Variants in SOCS7 observed in about 807,000 individuals in gnomAD.
SOCS7 encodes the protein suppressor of cytokine signaling 7, also known as NAP-4.
A neutral mutation model predicts 58.9 loss-of-function variants in SOCS7; 18 were observed. The ratio of observed to expected loss-of-function variants is 0.31; its 90% CI spans 0.21 to 0.45. SOCS7 has a LOEUF of 0.45. Among genes scored for constraint, SOCS7 ranks in the 20% least tolerant of loss-of-function variants. SOCS7 has a pLI of 1.00. For missense variants in SOCS7, 667 were observed against 837.3 expected (o/e 0.80, Z 2.51); for synonymous variants, 388 against 364.3 (o/e 1.06, Z -0.74).
At chr17:38,383,707 G>A (rs937252534) in intron 7 of SOCS7, among the ~76,000 whole-genome samples, 3 of 152,052 alleles carry the variant, frequency 2.0e-5, no homozygotes, top group Non-Finnish European at 4.4e-5. Context: ...ATCACGCCCG[G>A]CTAAATTTTT....
chr17:38,360,123 A>G (rs2037696397), intron 1 of SOCS7, among the ~76,000 whole-genome samples: 1 of 151,926 alleles, frequency 6.6e-6, no homozygotes, highest in African/African-American at 2.4e-5. Context: ...TTAAGTGTCC[A>G]GCTCTATTAA....
intron 7 of SOCS7, among the ~76,000 whole-genome samples, chr17:38,387,133 G>GTATGTATGTATATATATATATATA (rs1555570701): frequency 1.4e-5 from 1 of 73,494 alleles, no homozygotes; most frequent in African/African-American, 7.0e-5. Flanking sequence ...ATATATGTAT[G>GTATGTATGTATATATATATATATA]TATATATATA....
In SOCS7 at chr17:38,355,224, G is replaced by T. The variant is rs2037619618; in HGVS notation, c.980+2192G>T. 1.3e-4 allele frequency among the ~76,000 whole-genome samples: 20 copies of T among 152,186 alleles called. 1 individual carries two copies. The highest frequency in any genetic ancestry group is 1.3e-3 in the Admixed American group (20 of 15,270). ...AGATGACCAAATTTGTCACCTTCAT[G>T]CTTCCCTTTTTCCCCCATCTGTAAA... On this transcript the variant is annotated intron_variant, in intron 1 of 9. Transcript: ENST00000612932.
At chr17:38,387,100 A>T (rs1168127117) in intron 7 of SOCS7, among the ~76,000 whole-genome samples, 1,508 of 81,580 alleles carry the variant, frequency 0.018, 17 homozygotes, top group East Asian at 0.034. Context: ...AAAAAAAAAA[A>T]AAATATATAT....
Position 38,405,377 on chromosome 17 carries a change from T to C in SOCS7, c.*5895T>C, listed in dbSNP as rs2038378354. 1 of 152,108 alleles carries C rather than the reference T, an allele frequency of 6.6e-6. No individual in the cohort carries two copies. The highest frequency in any genetic ancestry group is 2.1e-4 in the South Asian group (1 of 4,824). The allele number at this position is 152,108 out of a possible 1,614,324, so 9.4% of individuals were successfully genotyped here. A position where few individuals can be genotyped will look rare whatever the true frequency, so the allele number is the denominator to read the frequency against. On this transcript the variant is annotated 3_prime_UTR_variant, in exon 10 of 10. Transcript: ENST00000612932. ...TCCAGAATGGGGTGTCTGTATATAC[T>C]GTATTAATAGGCATGTTTGACTCTC...
chr17:38,377,494 CA>C lies in SOCS7; in HGVS notation c.1553-215del, dbSNP rs529791330. On this transcript the variant is annotated intron_variant, in intron 6 of 9. Coordinates refer to ENST00000612932, the MANE Select transcript of SOCS7 (RefSeq NM_014598.4). The stretch of plus-strand genomic sequence containing the variant: ...GAGTACTTAGCTTGTATTTACTTAA[CA>C]AAAACCTTGTAAGACCTAATTTATG... Among the ~76,000 whole-genome samples, 5 of 152,288 alleles carry C rather than the reference CA, an allele frequency of 3.3e-5. No homozygotes were observed. The East Asian group carries it at 9.6e-4, about 29-fold the overall frequency.
chr17:38,389,647 T>C (rs2038124095), intron 7 of SOCS7, among the ~76,000 whole-genome samples: 1 of 150,922 alleles, frequency 6.6e-6, no homozygotes, highest in Non-Finnish European at 1.5e-5. Flanking sequence ...TTCTTGATGG[T>C]ATTCTTTGAA....
chr17:38,365,378 C>T lies in SOCS7; in HGVS notation c.1221C>T (p.Pro407=), dbSNP rs2037775922. 6.2e-7 allele frequency: 1 copy of T among 1,612,334 alleles called. No homozygotes were observed. Among genetic ancestry groups the T allele is most frequent in the African/African-American group, 1.3e-5 (1 of 74,860 alleles). Residue 407 remains proline (P), a synonymous_variant, in exon 4 of 10, where the codon CCC becomes CCT. Transcript: ENST00000612932. ...APMGSSLQSF[P]LPPPPPPHAP... ...TGGGGTCTTCCTTGCAGTCTTTCCC[C>T]CTACCTCCGCCTCCTCCACCCCATG...
rs149754952 is a variant in SOCS7 at position 38,392,361 on chromosome 17, C to A, written c.1682-2948C>A. 2.0e-5 allele frequency among the ~76,000 whole-genome samples: 3 copies of A among 152,296 alleles called. No homozygotes were observed. In the East Asian group the frequency reaches 5.8e-4, roughly 29 times the overall value. ...CTGATCTCTTTAAGCACAGTGTTAT[C>A]TTTGGGAATAAATTATTAGATGTAT... On this transcript the variant is annotated intron_variant, in intron 7 of 9. Transcript: ENST00000612932.
chr17:38,358,890 T>C (rs1013518726), intron 1 of SOCS7, among the ~76,000 whole-genome samples: 3 of 152,132 alleles, frequency 2.0e-5, no homozygotes, highest in African/African-American at 7.2e-5. Flanking sequence ...ATGATTTTTC[T>C]TCTTCAAAAT....
chr17:38,400,520 C>CT lies in SOCS7; in HGVS notation c.*1039dup, dbSNP rs2038305064. On this transcript the variant is annotated 3_prime_UTR_variant, in exon 10 of 10. Coordinates refer to ENST00000612932, the MANE Select transcript of SOCS7 (RefSeq NM_014598.4). The stretch of plus-strand genomic sequence containing the variant: ...ATGTGGAGGAAGGTGAGAAATACAG[C>CT]TCCCACAGTTGTGCTCTTCCTAGAG... 1 of 152,214 alleles carries CT rather than the reference C, an allele frequency of 6.6e-6. No homozygotes were observed. Among genetic ancestry groups the CT allele is most frequent in the Admixed American group, 6.6e-5 (1 of 15,266 alleles). 9.4% of individuals were successfully genotyped at this position (152,214 alleles called of 1,614,324 possible).
At chr17:38,371,758 T>G (rs1041474326) in intron 6 of SOCS7, among the ~76,000 whole-genome samples, 1 of 148,756 alleles carries the variant, frequency 6.7e-6, no homozygotes, top group Non-Finnish European at 1.5e-5. Context: ...TTTTGTGTTT[T>G]TTTTTTTTTT....
At chr17:38,394,983 A>C (rs1326374973) in intron 7 of SOCS7, among the ~76,000 whole-genome samples, 1 of 152,138 alleles carries the variant, frequency 6.6e-6, no homozygotes, top group Non-Finnish European at 1.5e-5. Context: ...CTGGGAGGTC[A>C]AGGCTGCAGT....
At chr17:38,362,285 A>G (rs2037730353) in intron 2 of SOCS7, among the ~76,000 whole-genome samples, 1 of 152,168 alleles carries the variant, frequency 6.6e-6, no homozygotes, top group Admixed American at 6.5e-5. Flanking sequence ...TCTTTATTGT[A>G]TCTAATTTAA....
At chr17:38,364,657 C>A in intron 2 of SOCS7, 95 bp from the exon 3 acceptor site, 2 of 975,794 alleles carry the variant, frequency 2.0e-6, no homozygotes, top group South Asian at 2.7e-5. Flanking sequence ...CAGCAGACCC[C>A]CAGCCTCGCC....
chr17:38,355,046 A>G (rs920475769), intron 1 of SOCS7, among the ~76,000 whole-genome samples: 2 of 152,128 alleles, frequency 1.3e-5, no homozygotes, highest in Non-Finnish European at 2.9e-5. Flanking sequence ...GGCACTGGAG[A>G]ATTACATTTT....
Position 38,403,084 on chromosome 17 carries a change from G to GT in SOCS7, c.*3603dup, listed in dbSNP as rs2038343673. Reference sequence around the variant, plus strand: ...CTGACCTTTGCCTGGTCACCTGCCTGTGCCTAGGCCAAGTGAATGTTACAT... The same window carrying GT: ...CTGACCTTTGCCTGGTCACCTGCCTGTTGCCTAGGCCAAGTGAATGTTACAT... On this transcript the variant is annotated 3_prime_UTR_variant, in exon 10 of 10. Coordinates refer to ENST00000612932, the MANE Select transcript of SOCS7 (RefSeq NM_014598.4). 4 of 152,154 alleles carry GT rather than the reference G, an allele frequency of 2.6e-5. No homozygotes were observed. Among genetic ancestry groups the GT allele is most frequent in the Admixed American group, 1.3e-4 (2 of 15,268 alleles). The allele number at this position is 152,154 out of a possible 1,614,324, so 9.4% of individuals were successfully genotyped here. A position where few individuals can be genotyped will look rare whatever the true frequency, so the allele number is the denominator to read the frequency against.
chr17:38,383,636 C>T (rs2144372693), intron 7 of SOCS7, among the ~76,000 whole-genome samples: 1 of 152,244 alleles, frequency 6.6e-6, no homozygotes. Flanking sequence ...CGGCTCATCG[C>T]AACCTCTGCC....
In SOCS7 at chr17:38,396,441, C is replaced by T. The variant is rs2038246439; in HGVS notation, c.*30+443C>T. ...CTTCATCAAAGAGAATGCAAACATG[C>T]CTTTAATTGCAACAGGCATGCACTT... On this transcript the variant is annotated intron_variant, in intron 9 of 9. Transcript: ENST00000612932. Among the ~76,000 whole-genome samples, 6 of 152,304 alleles carry T rather than the reference C, an allele frequency of 3.9e-5. No homozygotes were observed. The South Asian group carries it at 1.2e-3, about 32-fold the overall frequency.
Sources: allele counts gnomAD v4.1 joint callset (sites outside exome capture counted in the v4.1 genomes callset), GRCh38; gene constraint gnomAD v4.1.1; transcripts MANE v1.5; gene names NCBI Gene and HGNC (gene_info 2026-07-23, HGNC 2026-07-21).